Variants in NDRG3 observed in about 807,000 individuals in gnomAD.
The protein encoded by NDRG3 is protein NDRG3.
Under a neutral mutation model 57.2 loss-of-function variants are expected in NDRG3, and 23 were observed. The ratio of observed to expected loss-of-function variants is 0.40; its 90% CI spans 0.29 to 0.57. The LOEUF (loss-of-function observed/expected upper bound fraction) is 0.57, where lower values mean the gene tolerates loss of function less well. Ranked by LOEUF, NDRG3 falls within the 20% of genes least tolerant of loss-of-function variation. The pLI, the probability that NDRG3 is intolerant of heterozygous loss-of-function variation, is 0.42. For synonymous variants in NDRG3, 132 were observed against 162.6 expected (o/e 0.81, Z 1.43); for missense variants, 384 against 457.3 (o/e 0.84, Z 1.46).
At chr20:36,660,518 C>T in intron 12 of NDRG3, 134 bp from the exon 13 acceptor site, 2 of 410,914 alleles carry the variant, frequency 4.9e-6, no homozygotes, top group Non-Finnish European at 8.9e-6. Context: ...AAGAGATTAC[C>T]AAAATACATA....
chr20:36,687,524 G>C lies in NDRG3; in HGVS notation c.288C>G (p.Gly96=), dbSNP rs759189647. ...HFAVCHVDAP[G]QQEGAPSFPT... ...GGAAAGAGGGTGCACCTTCCTGCTG[G>C]CCTGGGGCATCCACATGACAGACAG... Residue 96 remains glycine (G), a synonymous_variant, in exon 5 of 16, where the codon GGC becomes GGG. Coordinates refer to ENST00000349004, the MANE Select transcript of NDRG3 (RefSeq NM_032013.4). 3.7e-6 allele frequency: 6 copies of C among 1,613,934 alleles called. 1 individual carries two copies. The highest frequency in any genetic ancestry group is 4.2e-6 in the Non-Finnish European group (5 of 1,179,982).
chr20:36,705,366 C>A (rs1475957279), intron 3 of NDRG3, among the ~76,000 whole-genome samples: 1 of 149,920 alleles, frequency 6.7e-6, no homozygotes, highest in Admixed American at 6.6e-5. Context: ...AGAAAAAAAA[C>A]CCATCTTGTA....
intron 2 of NDRG3, among the ~76,000 whole-genome samples, chr20:36,720,162 G>A (rs141826844): frequency 9.2e-5 from 14 of 151,598 alleles, no homozygotes; most frequent in Non-Finnish European, 1.9e-4. Context: ...AGGAACAAGA[G>A]AGAAAACAAA....
chr20:36,737,170 T>C (rs1985651892), intron 1 of NDRG3, among the ~76,000 whole-genome samples: 1 of 152,090 alleles, frequency 6.6e-6, no homozygotes, highest in South Asian at 2.1e-4. Flanking sequence ...GCAAGACCCA[T>C]CTAGGAGCCT....
intron 8 of NDRG3, among the ~76,000 whole-genome samples, chr20:36,675,258 C>G (rs1180754109): frequency 6.6e-6 from 1 of 151,422 alleles, no homozygotes; most frequent in Non-Finnish European, 1.5e-5. Context: ...CGGGGTTTTG[C>G]CACGTTGGCC....
chr20:36,716,976 T>C (rs1210517702), intron 2 of NDRG3, among the ~76,000 whole-genome samples: 3 of 151,742 alleles, frequency 2.0e-5, no homozygotes, highest in Non-Finnish European at 4.4e-5. Flanking sequence ...TAAAATAGAG[T>C]TAAAATATCT....
chr20:36,667,150 T>C (rs1198418368), intron 9 of NDRG3, among the ~76,000 whole-genome samples: 1 of 152,258 alleles, frequency 6.6e-6, no homozygotes, highest in Non-Finnish European at 1.5e-5. Context: ...TTCACTGATA[T>C]AATCAGCATA....
At chr20:36,743,789 G>A (rs1986038850) in intron 1 of NDRG3, among the ~76,000 whole-genome samples, 1 of 151,050 alleles carries the variant, frequency 6.6e-6, no homozygotes, top group Admixed American at 6.6e-5. Context: ...CTGTACTCCA[G>A]CCTGGGCAAC....
At chr20:36,709,556 G>C (rs1983748716) in intron 2 of NDRG3, among the ~76,000 whole-genome samples, 1 of 152,208 alleles carries the variant, frequency 6.6e-6, no homozygotes, top group Non-Finnish European at 1.5e-5. Flanking sequence ...ATGGGACTGG[G>C]CAGCACATTT....
chr20:36,653,649 C>G lies in NDRG3; in HGVS notation c.999G>C (p.Ser333=). The G allele has an allele frequency of 1.2e-6, 2 of 1,614,052 alleles. No homozygotes were observed. The highest frequency in any genetic ancestry group is 1.7e-6 in the Non-Finnish European group (2 of 1,180,028). The change falls in exon 16 of 16, where the codon TCG becomes TCC. Residue 333 remains serine (S), a synonymous_variant. Coordinates refer to ENST00000349004, the MANE Select transcript of NDRG3 (RefSeq NM_032013.4). This position sits in a 1 kb window ranked among gnomAD's most constrained non-coding sequence, Gnocchi z 4.2. ...RLARSRTHST[S]SSLGSGESPF... The stretch of plus-strand genomic sequence containing the variant: ...GACTTTCTCCAGAGCCGAGGCTACT[C>G]GAGGTTGAGTGGGTTCGTGATCGGG...
chr20:36,689,421 A>G (rs1329152789), intron 3 of NDRG3, among the ~76,000 whole-genome samples: 3 of 152,194 alleles, frequency 2.0e-5, no homozygotes, highest in African/African-American at 7.2e-5. Context: ...TGGGGAAAAA[A>G]GGAAATGGAA....
chr20:36,693,583 A>G (rs1306190433), intron 3 of NDRG3, among the ~76,000 whole-genome samples: 1 of 151,868 alleles, frequency 6.6e-6, no homozygotes, highest in Non-Finnish European at 1.5e-5. Context: ...GTAAGAGCAA[A>G]GCTTCTGTCT....
At chr20:36,667,746 C>T (rs1290769358) in intron 9 of NDRG3, among the ~76,000 whole-genome samples, 2 of 152,092 alleles carry the variant, frequency 1.3e-5, no homozygotes, top group South Asian at 2.1e-4. Context: ...GTGTAAAGTT[C>T]ACCACCAAGA....
intron 3 of NDRG3, among the ~76,000 whole-genome samples, chr20:36,689,038 T>C (rs1982039001): frequency 6.6e-6 from 1 of 151,638 alleles, no homozygotes; most frequent in African/African-American, 2.4e-5. Flanking sequence ...TTACTAAAAA[T>C]AAAAAATCAG....
intron 3 of NDRG3, among the ~76,000 whole-genome samples, chr20:36,696,957 G>C (rs2148146629): frequency 6.6e-6 from 1 of 152,226 alleles, no homozygotes; most frequent in South Asian, 2.1e-4. Flanking sequence ...CTGATCTAGA[G>C]GCAGAATCAG....
At chr20:36,690,096 T>C (rs1378301764) in intron 3 of NDRG3, among the ~76,000 whole-genome samples, 2 of 152,308 alleles carry the variant, frequency 1.3e-5, no homozygotes, top group East Asian at 1.9e-4. Context: ...GAGATTTTAG[T>C]AGGCATTTCC....
intron 1 of NDRG3, among the ~76,000 whole-genome samples, chr20:36,735,420 T>A (rs558606975): frequency 1.1e-4 from 16 of 152,292 alleles, no homozygotes; most frequent in Admixed American, 9.8e-4. Context: ...CCAAGCATTT[T>A]GGATAAGGGA....
Position 36,660,766 on chromosome 20 carries a change from T to C in NDRG3, c.811-382A>G, listed in dbSNP as rs1979135866. 2.6e-5 allele frequency among the ~76,000 whole-genome samples: 4 copies of C among 152,198 alleles called. No homozygotes were observed. In the South Asian group the frequency reaches 8.3e-4, roughly 32 times the overall value. ...TAGTAGAGACGGGGTTTCACCGTGTTAGCCAGGATGGTCTCGATCTCCTGA... is the reference window on the plus strand; with the variant it reads ...TAGTAGAGACGGGGTTTCACCGTGTCAGCCAGGATGGTCTCGATCTCCTGA... On this transcript the variant is annotated intron_variant, in intron 12 of 15. Coordinates refer to ENST00000349004, the MANE Select transcript of NDRG3 (RefSeq NM_032013.4).
At chr20:36,660,646 C>T (rs1205070261) in intron 12 of NDRG3, among the ~76,000 whole-genome samples, 4 of 151,494 alleles carry the variant, frequency 2.6e-5, no homozygotes, top group Admixed American at 2.0e-4. Flanking sequence ...CTGCAAGCTC[C>T]GCCTCCCGGG....
Sources: gnomAD v4.1 joint callset for allele counts (sites outside exome capture counted in the v4.1 genomes callset) on GRCh38, gnomAD v4.1.1 for gene constraint, Gnocchi (gnomAD v3.1) non-coding constraint, MANE v1.5 for transcripts, NCBI Gene and HGNC (gene_info 2026-07-23, HGNC 2026-07-21) for gene names.